The following TINAG variants were observed in gnomAD, a reference collection of about 807,000 sequenced individuals.
The protein encoded by TINAG is tubulointerstitial nephritis antigen.
TINAG carries 83 observed loss-of-function variants against 72.7 expected under a neutral mutation model. The ratio of observed to expected loss-of-function variants is 1.14; its 90% CI spans 0.96 to 1.37. TINAG has a LOEUF of 1.37. Ranked by LOEUF, TINAG falls within the 40% of genes most tolerant of loss-of-function variation. The pLI, the probability that TINAG is intolerant of heterozygous loss-of-function variation, is 0.00. For missense variants in TINAG, 685 were observed against 576.6 expected (o/e 1.19, Z -1.93); for synonymous variants, 234 against 189.9 (o/e 1.23, Z -1.91).
intron 1 of TINAG, among the ~76,000 whole-genome samples, chr6:54,318,561 A>G (rs1377537498): frequency 6.6e-6 from 1 of 152,152 alleles, no homozygotes; most frequent in African/African-American, 2.4e-5. Flanking sequence ...AGTCAGCTCA[A>G]CAGGAGTGAT....
chr6:54,349,828 T>C lies in TINAG; in HGVS notation c.1012T>C (p.Cys338Arg), dbSNP rs771898941. Residue 338 changes from cysteine to arginine, a missense_variant, in exon 7 of 11, where the codon TGT (cysteine) becomes CGT (arginine). Transcript: ENST00000259782. ...AGGAAAACGGCATGCCACGAAGCCA[T>C]GTCCCAACAACGTAGAAAAATCTAA... is the stretch of plus-strand genomic sequence containing the variant. The part of the protein sequence containing the change: ...GRGKRHATKP[C>R]PNNVEKSNRI... 8.1e-6 allele frequency: 13 copies of C among 1,610,734 alleles called. No homozygotes were observed. In the Admixed American group the frequency reaches 1.8e-4, roughly 23 times the overall value.
At chr6:54,350,495 TAC>T (rs1785239817) in intron 7 of TINAG, among the ~76,000 whole-genome samples, 1 of 151,622 alleles carries the variant, frequency 6.6e-6, no homozygotes, top group Non-Finnish European at 1.5e-5. Context: ...ACTACTTTTA[TAC>T]ACTCATGTCC....
chr6:54,343,648 A>G (rs1562162970), intron 5 of TINAG, among the ~76,000 whole-genome samples: 1 of 151,926 alleles, frequency 6.6e-6, no homozygotes, highest in Non-Finnish European at 1.5e-5. Context: ...ATAATAAAAA[A>G]GGATTAAGGT....
intron 10 of TINAG, among the ~76,000 whole-genome samples, chr6:54,382,069 A>G (rs891043557): frequency 6.6e-6 from 1 of 152,090 alleles, no homozygotes; most frequent in Non-Finnish European, 1.5e-5. Flanking sequence ...TATTTAACAC[A>G]TACATGCACA....
intron 9 of TINAG, among the ~76,000 whole-genome samples, chr6:54,369,595 T>C (rs1007315223): frequency 4.6e-5 from 7 of 152,106 alleles, no homozygotes; most frequent in African/African-American, 1.7e-4. Context: ...GTATTAGGAC[T>C]AGGAGCATGG....
chr6:54,327,932 G>T (rs1784646611), intron 4 of TINAG, among the ~76,000 whole-genome samples: 1 of 152,136 alleles, frequency 6.6e-6, no homozygotes, highest in Non-Finnish European at 1.5e-5. Flanking sequence ...TCCTGTCTGG[G>T]CAGGGCATCT....
intron 9 of TINAG, among the ~76,000 whole-genome samples, chr6:54,360,447 G>A (rs1341548423): frequency 6.6e-6 from 1 of 151,592 alleles, no homozygotes; most frequent in Non-Finnish European, 1.5e-5. Flanking sequence ...TGTCATAAAA[G>A]TGTGTTTTAC....
chr6:54,328,202 C>T (rs1784653922), intron 4 of TINAG, among the ~76,000 whole-genome samples: 1 of 152,154 alleles, frequency 6.6e-6, no homozygotes, highest in Non-Finnish European at 1.5e-5. Flanking sequence ...GTTCAACAGA[C>T]ACCTCATACA....
At position 54,308,506 on chromosome 6, in the gene TINAG, T is replaced by C. The variant is rs1784161055; in HGVS notation, c.-45T>C. On this transcript the variant is annotated 5_prime_UTR_variant, in exon 1 of 11. Transcript: ENST00000259782. ...AAGGAGAAGCCCACAAGGCTAAGGG[T>C]ATTGGATATAACGGAAAGTGGAAGC... 1.3e-6 allele frequency: 2 copies of C among 1,516,460 alleles called. No homozygotes were observed. Among genetic ancestry groups the C allele is most frequent in the Non-Finnish European group, 1.8e-6 (2 of 1,116,468 alleles). 93.9% of individuals were successfully genotyped at this position (1,516,460 alleles called of 1,614,324 possible). A position where few individuals can be genotyped will look rare whatever the true frequency, so the allele number is the denominator to read the frequency against.
chr6:54,351,472 G>C lies in TINAG; in HGVS notation c.1126+75G>C, dbSNP rs144514247. ...AACATTACATTGAGCTCATGTAATA[G>C]GAGTTTAATAAAATAAAGAAAATTT... On this transcript the variant is annotated intron_variant, in intron 8 of 10. Transcript: ENST00000259782. 2.2e-6 allele frequency: 3 copies of C among 1,377,664 alleles called. No homozygotes were observed. The East Asian group carries it at 7.2e-5, about 33-fold the overall frequency. The allele number at this position is 1,377,664 out of a possible 1,614,324, so 85.3% of individuals were successfully genotyped here.
chr6:54,322,343 A>AG (rs200196234), intron 3 of TINAG, among the ~76,000 whole-genome samples: 2,577 of 150,888 alleles, frequency 0.017, 88 homozygotes, highest in African/African-American at 0.061. Context: ...CAAAAAAAAA[A>AG]CAAGAAACAT....
chr6:54,323,818 C>G (rs1012902394), intron 3 of TINAG, among the ~76,000 whole-genome samples: 5 of 152,066 alleles, frequency 3.3e-5, no homozygotes, highest in Non-Finnish European at 5.9e-5. Flanking sequence ...TCCAGGTGTG[C>G]TGGCACAGGT....
At chr6:54,328,098 G>C (rs1031273883) in intron 4 of TINAG, among the ~76,000 whole-genome samples, 15 of 152,124 alleles carry the variant, frequency 9.9e-5, no homozygotes, top group Non-Finnish European at 2.2e-4. Context: ...GGATATCCTA[G>C]CATGGTGCTT....
intron 2 of TINAG, 110 bp from the exon 3 acceptor site, chr6:54,321,187 C>T: frequency 1.2e-6 from 1 of 838,830 alleles, no homozygotes; most frequent in Admixed American, 2.2e-5. Context: ...ATATGGCTAA[C>T]ATTAATCAAG....
In TINAG at chr6:54,389,930, T is replaced by C. The variant is rs760853318; in HGVS notation, c.*5T>C. 6.2e-7 allele frequency: 1 copy of C among 1,606,694 alleles called. No homozygotes were observed. Among genetic ancestry groups the C allele is most frequent in the Middle Eastern group, 1.7e-4 (1 of 6,032 alleles). On this transcript the variant is annotated 3_prime_UTR_variant, in exon 11 of 11. Transcript: ENST00000259782. The stretch of plus-strand genomic sequence containing the variant: ...ACGAGTTCTGATGAACCATAACATA[T>C]CATTAAATTTCCATAAGGTCATGCC...
At chr6:54,330,772 A>G in intron 4 of TINAG, among the ~76,000 whole-genome samples, 1 of 152,296 alleles carries the variant, frequency 6.6e-6, no homozygotes, top group South Asian at 2.1e-4. Context: ...GGTAAAGGGG[A>G]TAACATCACT....
At chr6:54,366,530 A>G (rs1021936694) in intron 9 of TINAG, among the ~76,000 whole-genome samples, 1 of 150,172 alleles carries the variant, frequency 6.7e-6, no homozygotes, top group African/African-American at 2.4e-5. Context: ...CATGGCAGGC[A>G]TTAAGAATAC....
intron 4 of TINAG, among the ~76,000 whole-genome samples, chr6:54,331,174 A>G (rs914674803): frequency 6.6e-6 from 1 of 152,192 alleles, no homozygotes; most frequent in Non-Finnish European, 1.5e-5. Context: ...TTTCAGGGCA[A>G]TATCCCTGAT....
intron 9 of TINAG, among the ~76,000 whole-genome samples, chr6:54,361,225 TC>T (rs1357341886): frequency 1.3e-5 from 2 of 151,476 alleles, no homozygotes; most frequent in Non-Finnish European, 3.0e-5. Flanking sequence ...TAATTAGTAC[TC>T]CTATAAAGGC....
Sources: allele counts gnomAD v4.1 joint callset (sites outside exome capture counted in the v4.1 genomes callset), GRCh38; gene constraint gnomAD v4.1.1; transcripts MANE v1.5; gene names NCBI Gene and HGNC (gene_info 2026-07-23, HGNC 2026-07-21).